Variants in CDC42BPG observed in about 807,000 individuals in gnomAD.
The protein encoded by CDC42BPG is CDC42 binding protein kinase gamma, also known as serine/threonine-protein kinase MRCK gamma.
CDC42BPG carries 157 observed loss-of-function variants against 192.2 expected under a neutral mutation model. The ratio of observed to expected loss-of-function variants is 0.82; its 90% CI spans 0.72 to 0.93. The LOEUF (loss-of-function observed/expected upper bound fraction) is 0.93. Ranked by LOEUF, CDC42BPG falls within the 40% of genes least tolerant of loss-of-function variation. The pLI is 0.00. For missense variants in CDC42BPG, 1,992 were observed against 2,122.1 expected, an observed-to-expected ratio of 0.94 and a Z score of 1.20; for synonymous variants, 981 against 918.5, an observed-to-expected ratio of 1.07 and a Z score of -1.23.
At position 64,844,562 on chromosome 11, in the gene CDC42BPG, C is replaced by A. The variant is rs1428725561; in HGVS notation, c.8G>T (p.Arg3Leu). The A allele has an allele frequency of 2.4e-6, 3 of 1,273,366 alleles. No homozygotes were observed. The highest frequency in any genetic ancestry group is 3.1e-5 in the African/African-American group (2 of 64,056). 78.9% of individuals were successfully genotyped at this position (1,273,366 alleles called of 1,614,324 possible). A position where few individuals can be genotyped will look rare whatever the true frequency, so the allele number is the denominator to read the frequency against. ...CAGCTGCTCCAGCGCGCGCAGCCGC[C>A]GCTCCATGGCTGCGGCCGGAGCCTC... is the stretch of plus-strand genomic sequence containing the variant. ME[R>L]RLRALEQLAR... The change falls in exon 1 of 37, where the codon CGG becomes CTG. Residue 3 changes from arginine to leucine, a missense_variant. By Grantham distance (102) the Arg-to-Leu change is moderately radical (BLOSUM62 -2). Transcript: ENST00000342711.
chr11:64,842,254 C>T (rs1189492922), intron 1 of CDC42BPG, among the ~76,000 whole-genome samples: 1 of 152,168 alleles, frequency 6.6e-6, no homozygotes, highest in Non-Finnish European at 1.5e-5. Flanking sequence ...ACCATGGGGA[C>T]ACCATTCCTA....
rs1424053750 is a variant in CDC42BPG at position 64,826,703 on chromosome 11, C to T, written c.4481G>A (p.Gly1494Asp). ...SEALRRPASMGSEGLGGDADP... is the reference protein window; with the variant it reads ...SEALRRPASMDSEGLGGDADP... ...TGCGTCTCCACCGAGGCCTTCGCTG[C>T]CCATGGAGGCTGGGCGCCGCAACGC... is the stretch of plus-strand genomic sequence containing the variant. Residue 1494 changes from glycine to aspartate, a missense_variant, in exon 35 of 37, where the codon GGC (glycine) becomes GAC (aspartate). Around this residue, in one of 2 missense-constraint regions of CDC42BPG, gnomAD observed 336 missense variants for 277.9 expected, o/e 1.21. Coordinates refer to ENST00000342711, the MANE Select transcript of CDC42BPG (RefSeq NM_017525.3). 1 of 1,556,980 alleles carries T rather than the reference C, an allele frequency of 6.4e-7. No homozygotes were observed. Among genetic ancestry groups the T allele is most frequent in the Admixed American group, 2.0e-5 (1 of 51,060 alleles).
intron 28 of CDC42BPG, chr11:64,830,496 C>T (rs1942634343): frequency 3.4e-6 from 2 of 589,154 alleles, no homozygotes; most frequent in South Asian, 2.0e-5. Flanking sequence ...CCTCTCAGAG[C>T]CTTGGTTTCC....
chr11:64,826,573 G>T lies in CDC42BPG; in HGVS notation c.4514-18C>A. ...CCTCTTCACTGCTCCAGCAGCAGAC[G>T]AGGAGACAAAAATACCAAGATCAGA... On this transcript the variant is annotated intron_variant, in intron 35 of 36. Coordinates refer to ENST00000342711, the MANE Select transcript of CDC42BPG (RefSeq NM_017525.3). The T allele has an allele frequency of 6.3e-7, 1 of 1,596,072 alleles. No homozygotes were observed. The highest frequency in any genetic ancestry group is 1.1e-5 in the South Asian group (1 of 88,136).
At chr11:64,833,680 A>T in intron 22 of CDC42BPG, 21 bp from the exon 23 acceptor site, 1 of 1,612,780 alleles carries the variant, frequency 6.2e-7, no homozygotes, top group Non-Finnish European at 8.5e-7. Context: ...GCGGGGGAGC[A>T]GGTGAGACGG....
Position 64,832,639 on chromosome 11 carries a change from C to G in CDC42BPG, c.2970G>C (p.Pro990=). 1 of 1,613,772 alleles carries G rather than the reference C, an allele frequency of 6.2e-7. No individual in the cohort carries two copies. Among genetic ancestry groups the G allele is most frequent in the Non-Finnish European group, 8.5e-7 (1 of 1,179,998 alleles). Residue 990 remains proline (P), a synonymous_variant, in exon 26 of 37, where the codon CCG becomes CCC. Coordinates refer to ENST00000342711, the MANE Select transcript of CDC42BPG (RefSeq NM_017525.3). ...GGACCTGCAGGAGGGCCCCACTGGG[C>G]GGGCTGAGCCTCAGGTCAGGGGCGT... ...LFDAPDLRLS[P]PSGALLQVLD...
intron 28 of CDC42BPG, 168 bp from the exon 29 acceptor site, chr11:64,830,424 T>C (rs2136272408): frequency 1.5e-6 from 1 of 674,986 alleles, no homozygotes; most frequent in Non-Finnish European, 2.6e-6. Context: ...GACAGGCTTT[T>C]CCAGAGGGGT....
rs1007372902 is a variant in CDC42BPG at position 64,833,380 on chromosome 11, A to G, written c.2626-44T>C. 16 of 1,136,328 alleles carry G rather than the reference A, an allele frequency of 1.4e-5. No homozygotes were observed. In the Admixed American group the frequency reaches 3.6e-4, roughly 26 times the overall value. 70.4% of individuals were successfully genotyped at this position (1,136,328 alleles called of 1,614,324 possible). On this transcript the variant is annotated intron_variant, in intron 23 of 36. Transcript: ENST00000342711. ...ATTACCCAAGGCCTCCCAGGGCCCC[A>G]TGCCCCATCCCTGAGGGGTCAGGAA...
At chr11:64,835,017 T>TTGGCCCCCCCCCCCCCCC in intron 17 of CDC42BPG, 30 bp downstream of exon 17, 6 of 1,571,928 alleles carry the variant, frequency 3.8e-6, no homozygotes, top group Non-Finnish European at 5.2e-6. Context: ...TCGCCTGCGT[T>TTGGCCCCCCCCCCCCCCC]CCCCACCCCG....
rs1374338854 is a variant in CDC42BPG, at chr11:64,827,553, AG to A, written c.4123del (p.Leu1375Ter). ...LFLYGTEKVR[L>X]TYLRNQLAEK... ...TGCCAGCTGGTTCCTGAGGTAGGTC[AG>A]GCGGACCTTCTCGGTGCCGTAGAGG... is the stretch of plus-strand genomic sequence containing the variant. On this transcript the variant is annotated frameshift_variant, in exon 32 of 37. Transcript: ENST00000342711. LOFTEE classifies it high-confidence loss of function. The A allele has an allele frequency of 1.6e-5, 26 of 1,612,650 alleles. No homozygotes were observed. The highest frequency in any genetic ancestry group is 2.2e-5 in the Non-Finnish European group (26 of 1,179,146).
intron 27 of CDC42BPG, among the ~76,000 whole-genome samples, chr11:64,831,951 A>G (rs1942714860): frequency 6.6e-6 from 1 of 152,244 alleles, no homozygotes; most frequent in Admixed American, 6.5e-5. Context: ...CCGGGAAGTG[A>G]AGGATGACTT....
At chr11:64,837,335 G>A (rs999374820) in intron 9 of CDC42BPG, among the ~76,000 whole-genome samples, 6 of 152,214 alleles carry the variant, frequency 3.9e-5, no homozygotes, top group African/African-American at 1.4e-4. Flanking sequence ...TCGAGGACAG[G>A]ATGTGGTGAC....
chr11:64,830,325 C>T (rs1942627811), intron 28 of CDC42BPG, 69 bp from the exon 29 acceptor site: 23 of 1,278,580 alleles, frequency 1.8e-5, no homozygotes, highest in Non-Finnish European at 2.6e-5. Context: ...GGGCAGTCCA[C>T]CTGCCCTGCT....
At position 64,829,728 on chromosome 11, in the gene CDC42BPG, C is replaced by A. The variant is rs780373266; in HGVS notation, c.3710G>T (p.Arg1237Leu). The part of the protein sequence containing the change: ...TVQSLGLLGD[R>L]LCVGAAGGFA... The stretch of plus-strand genomic sequence containing the variant: ...GCCACCGGCGGCGCCCACACATAGC[C>A]GGTCGCCCAGCAGCCCCAGGCTCTG... Residue 1237 changes from arginine to leucine, a missense_variant, in exon 30 of 37, where the codon CGG (arginine) becomes CTG (leucine). Coordinates refer to ENST00000342711, the MANE Select transcript of CDC42BPG (RefSeq NM_017525.3). 1.2e-6 allele frequency: 2 copies of A among 1,609,308 alleles called. No individual in the cohort carries two copies. The highest frequency in any genetic ancestry group is 3.4e-5 in the Admixed American group (2 of 59,634).
rs760868480 is a variant in CDC42BPG at position 64,829,505 on chromosome 11, G to A, written c.3933C>T (p.His1311=). 39 of 1,612,808 alleles carry A rather than the reference G, an allele frequency of 2.4e-5. No individual in the cohort carries two copies. The highest frequency in any genetic ancestry group is 3.3e-5 in the South Asian group (3 of 91,090). ...TGGGCGCTGCTGGCCACAACAGCTC[G>A]TGGCCACGAGACTTGCGGCCTGCGC... ...VDGAGRKSRG[H]ELLWPAAPMG... is the part of the protein sequence containing the mutation. The change falls in exon 30 of 37, where the codon CAC becomes CAT. Residue 1311 remains histidine, a synonymous_variant. Transcript: ENST00000342711.
In CDC42BPG at chr11:64,836,159, G is replaced by A. The variant is rs778521587; in HGVS notation, c.1626C>T (p.Ala542=). The change falls in exon 13 of 37, where the codon GCC becomes GCT. Residue 542 remains alanine (A), a synonymous_variant. Coordinates refer to ENST00000342711, the MANE Select transcript of CDC42BPG (RefSeq NM_017525.3). ...GGGCTTCCTCCAGCTGGGAGCTCAG[G>A]GCCCGGGTCTGGCTAGCTGTGGCCG... ...REAATASQTR[A]LSSQLEEARA... The A allele has an allele frequency of 1.3e-4, 208 of 1,598,172 alleles. No homozygotes were observed. The highest frequency in any genetic ancestry group is 1.0e-4 in the Non-Finnish European group (120 of 1,174,140).
Position 64,841,924 on chromosome 11 carries a change from G to C in CDC42BPG, c.161-20C>G, listed in dbSNP as rs1458359152. 2 of 1,560,570 alleles carry C rather than the reference G, an allele frequency of 1.3e-6. No individual in the cohort carries two copies. The highest frequency in any genetic ancestry group is 1.7e-6 in the Non-Finnish European group (2 of 1,146,650). On this transcript the variant is annotated intron_variant, in intron 1 of 36. Coordinates refer to ENST00000342711, the MANE Select transcript of CDC42BPG (RefSeq NM_017525.3). ...GGCTGGCTGAGGGGACACAGGGCGGGACTCAGAGTGCAGGGAGGGAGGGCT... is the reference window on the plus strand; with the variant it reads ...GGCTGGCTGAGGGGACACAGGGCGGCACTCAGAGTGCAGGGAGGGAGGGCT...
intron 30 of CDC42BPG, 117 bp from the exon 31 acceptor site, chr11:64,827,900 A>C: frequency 1.2e-6 from 1 of 824,886 alleles, no homozygotes; most frequent in Non-Finnish European, 1.8e-6. Flanking sequence ...TCCTCTGAAG[A>C]CTCCCTGTCG....
In CDC42BPG at chr11:64,836,715, G is replaced by GGGT. The variant is rs1943022193; in HGVS notation, c.1384+23_1384+24insACC. 2.4e-5 allele frequency: 21 copies of GGGT among 870,546 alleles called. 1 individual carries two copies. The highest frequency in any genetic ancestry group is 5.1e-5 in the South Asian group (3 of 58,548). 53.9% of individuals were successfully genotyped at this position (870,546 alleles called of 1,614,324 possible). On this transcript the variant is annotated intron_variant, in intron 11 of 36. Transcript: ENST00000342711. Reference sequence around the variant, plus strand: ...AGGTGGGACTCAGCCCTGGGGGGGGGGGGGGGGTGGGCGGAAGGGATACCT... The same window carrying GGGT: ...AGGTGGGACTCAGCCCTGGGGGGGGGGGTGGGGGGGTGGGCGGAAGGGATACCT...
Sources: gnomAD v4.1 joint callset for allele counts (sites outside exome capture counted in the v4.1 genomes callset) on GRCh38, gnomAD v4.1.1 for gene constraint, gnomAD v4.1.1 regional missense constraint, MANE v1.5 for transcripts, NCBI Gene and HGNC (gene_info 2026-07-23, HGNC 2026-07-21) for gene names.